DNAH5: variants seen among roughly 807,000 people sequenced by gnomAD.
DNAH5 encodes axonemal beta dynein heavy chain 5.
Under a neutral mutation model 518.2 loss-of-function variants are expected in DNAH5, and 372 were observed. The ratio of observed to expected loss-of-function variants is 0.72; its 90% CI spans 0.66 to 0.78. DNAH5 has a LOEUF of 0.78. Among genes scored for constraint, DNAH5 ranks in the 30% least tolerant of loss-of-function variants. DNAH5 has a pLI of 0.00. For synonymous variants in DNAH5, 2,039 were observed against 2,025.9 expected, an observed-to-expected ratio of 1.01 and a Z score of -0.17; for missense variants, 5,523 against 5,687.0, an observed-to-expected ratio of 0.97 and a Z score of 0.93.
At chr5:13,878,768 C>T (rs1033985489) in intron 21 of DNAH5, among the ~76,000 whole-genome samples, 3 of 152,210 alleles carry the variant, frequency 2.0e-5, no homozygotes, top group Non-Finnish European at 4.4e-5. Context: ...CATCAGTTAT[C>T]TCGCCAGAAT....
At position 13,768,828 on chromosome 5, in the gene DNAH5, A is replaced by C; in HGVS notation, c.9897+132T>G. ...AATAAAGTCTCAAGCAGAAAATATT[A>C]CTTGAAATCACTCAAGTGGATAGAG... On this transcript the variant is annotated intron_variant, in intron 58 of 78. Coordinates refer to ENST00000265104, the MANE Select transcript of DNAH5 (RefSeq NM_001369.3). 2.9e-6 allele frequency: 3 copies of C among 1,044,286 alleles called. No individual in the cohort carries two copies. In the Admixed American group the frequency reaches 5.6e-5, roughly 20 times the overall value. 64.7% of individuals were successfully genotyped at this position (1,044,286 alleles called of 1,614,324 possible).
intron 22 of DNAH5, among the ~76,000 whole-genome samples, chr5:13,873,667 T>C (rs1770459879): frequency 6.6e-6 from 1 of 151,988 alleles, no homozygotes; most frequent in Non-Finnish European, 1.5e-5. Context: ...ACTATTTATT[T>C]ATTTATTTAT....
At chr5:13,930,469 T>A (rs1778312391) in intron 2 of DNAH5, among the ~76,000 whole-genome samples, 1 of 152,196 alleles carries the variant, frequency 6.6e-6, no homozygotes. Context: ...AAAGGGCTTG[T>A]CTTCTTTCTT....
At chr5:13,693,924 T>G (rs929164676) in intron 78 of DNAH5, among the ~76,000 whole-genome samples, 2 of 152,228 alleles carry the variant, frequency 1.3e-5, no homozygotes, top group African/African-American at 2.4e-5. Context: ...TAGGCAAATA[T>G]ATATGAAAAA....
intron 38 of DNAH5, among the ~76,000 whole-genome samples, chr5:13,828,310 T>C (rs762758708): frequency 2.9e-4 from 44 of 152,372 alleles, no homozygotes; most frequent in Non-Finnish European, 5.9e-4. Flanking sequence ...AGTGATAAGA[T>C]GGAACAAAGA....
intron 55 of DNAH5, among the ~76,000 whole-genome samples, chr5:13,775,464 C>T (rs570122010): frequency 1.3e-5 from 2 of 150,910 alleles, no homozygotes; most frequent in Admixed American, 6.6e-5. Context: ...GATAATGGAT[C>T]GATGGATAGA....
rs1776644186 is a variant in DNAH5 at position 13,916,382 on chromosome 5, T to G, written c.1163A>C (p.Asn388Thr). The change falls in exon 9 of 79, where the codon AAT becomes ACT. Residue 388 changes from asparagine to threonine, a missense_variant. By Grantham distance (65) the Asn-to-Thr change is moderately conservative. Coordinates refer to ENST00000265104, the MANE Select transcript of DNAH5 (RefSeq NM_001369.3). ...KMIYSISHYYNTSEKITSLFV... is the reference protein window; with the variant it reads ...KMIYSISHYYTTSEKITSLFV... The stretch of plus-strand genomic sequence containing the variant: ...CAGAGATGTGATCTTCTCAGAGGTA[T>G]TATAGTAATGAGAGATACTATAGAT... The G allele has an allele frequency of 1.3e-6, 2 of 1,525,206 alleles. No individual in the cohort carries two copies. The highest frequency in any genetic ancestry group is 2.7e-5 in the African/African-American group (2 of 73,132). The allele number at this position is 1,525,206 out of a possible 1,614,324, so 94.5% of individuals were successfully genotyped here.
chr5:13,718,273 T>TGACTCAC (rs1281591283), intron 72 of DNAH5, among the ~76,000 whole-genome samples: 1 of 152,226 alleles, frequency 6.6e-6, no homozygotes, highest in Non-Finnish European at 1.5e-5. Context: ...TCAGATTGAA[T>TGACTCAC]GACTCACACC....
chr5:13,919,214 G>A lies in DNAH5; in HGVS notation c.937C>T (p.Leu313=). 1 of 1,614,052 alleles carries A rather than the reference G, an allele frequency of 6.2e-7. No individual in the cohort carries two copies. Among genetic ancestry groups the A allele is most frequent in the South Asian group, 1.1e-5 (1 of 91,072 alleles). ...GACTTGGCCGCCGCAAGCACTGCCA[G>A]CACAGCCTTCACATCCGGGCTTTTC... The part of the protein sequence containing the change: ...QLKSPDVKAV[L]AVLAAAKSKL... The change falls in exon 7 of 79, where the codon CTG becomes TTG. Residue 313 remains leucine, a synonymous_variant. Coordinates refer to ENST00000265104, the MANE Select transcript of DNAH5 (RefSeq NM_001369.3).
At chr5:13,954,745 G>T (rs1165488157) in intron 1 of DNAH5, among the ~76,000 whole-genome samples, 2 of 152,188 alleles carry the variant, frequency 1.3e-5, no homozygotes, top group African/African-American at 4.8e-5. Context: ...TTTCCCCGTT[G>T]CCCATTAAAC....
In DNAH5 at chr5:13,691,843, A is replaced by T; in HGVS notation, c.*141T>A. The stretch of plus-strand genomic sequence containing the variant: ...ACAAGTAAAATATAAGCATCCAATT[A>T]AGGAGTGGGGAAAACCTATGCAGCT... On this transcript the variant is annotated 3_prime_UTR_variant, in exon 79 of 79. Transcript: ENST00000265104. 1 of 938,004 alleles carries T rather than the reference A, an allele frequency of 1.1e-6. No homozygotes were observed. The highest frequency in any genetic ancestry group is 1.6e-6 in the Non-Finnish European group (1 of 610,678). 58.1% of individuals were successfully genotyped at this position (938,004 alleles called of 1,614,324 possible). A position where few individuals can be genotyped will look rare whatever the true frequency, so the allele number is the denominator to read the frequency against.
intron 1 of DNAH5, among the ~76,000 whole-genome samples, chr5:13,956,498 G>A (rs978288830): frequency 2.6e-5 from 4 of 151,922 alleles, no homozygotes; most frequent in African/African-American, 4.8e-5. Flanking sequence ...TTTTGTTATT[G>A]TCTTTTATCT....
chr5:13,889,694 G>C (rs1772924020), intron 17 of DNAH5, among the ~76,000 whole-genome samples: 1 of 152,182 alleles, frequency 6.6e-6, no homozygotes, highest in African/African-American at 2.4e-5. Flanking sequence ...CTTGGGCCCT[G>C]AGTCTCTAAT....
At chr5:13,743,017 G>C (rs1748823380) in intron 65 of DNAH5, among the ~76,000 whole-genome samples, 1 of 151,948 alleles carries the variant, frequency 6.6e-6, no homozygotes, top group Non-Finnish European at 1.5e-5. Flanking sequence ...TCATTTATAT[G>C]GCTGATTTAA....
At chr5:13,813,853 T>C (rs1761051693) in intron 43 of DNAH5, among the ~76,000 whole-genome samples, 1 of 152,216 alleles carries the variant, frequency 6.6e-6, no homozygotes. Flanking sequence ...AAACATCTAC[T>C]TTATTTAAAT....
At chr5:13,940,523 GA>G (rs1206638830) in intron 1 of DNAH5, among the ~76,000 whole-genome samples, 15 of 152,106 alleles carry the variant, frequency 9.9e-5, no homozygotes, top group African/African-American at 3.6e-4. Context: ...CCACTCATTG[GA>G]ATCATTGGAG....
At chr5:14,009,664 A>G (rs1167458502) in intron 1 of DNAH5, among the ~76,000 whole-genome samples, 3 of 152,220 alleles carry the variant, frequency 2.0e-5, no homozygotes, top group Non-Finnish European at 2.9e-5. Flanking sequence ...GGACTGGGCC[A>G]TAGGTTTGTT....
chr5:13,817,743 C>T (rs1437025905), intron 41 of DNAH5, 49 bp from the exon 42 acceptor site: 1 of 1,581,702 alleles, frequency 6.3e-7, no homozygotes, highest in South Asian at 1.1e-5. Context: ...GGAAGTGAAC[C>T]ATCATTAAGC....
intron 76 of DNAH5, among the ~76,000 whole-genome samples, chr5:13,702,401 G>C (rs1296122405): frequency 6.6e-6 from 1 of 152,190 alleles, no homozygotes; most frequent in African/African-American, 2.4e-5. Context: ...CTCATTGTCT[G>C]CTATCTTTAT....
Sources: gnomAD v4.1 joint callset for allele counts (sites outside exome capture counted in the v4.1 genomes callset) on GRCh38, gnomAD v4.1.1 for gene constraint, MANE v1.5 for transcripts, NCBI Gene and HGNC (gene_info 2026-07-23, HGNC 2026-07-21) for gene names.